The following KCNT2 variants were observed in gnomAD, a reference collection of about 807,000 sequenced individuals.
The protein encoded by KCNT2 is potassium sodium-activated channel subfamily T member 2.
In KCNT2, 67 loss-of-function variants were observed where a neutral mutation model predicts 153.8. That is an observed-to-expected ratio of 0.44 (90% confidence interval 0.36 to 0.53). The LOEUF (loss-of-function observed/expected upper bound fraction) is 0.53, where lower values mean the gene tolerates loss of function less well. Ranked by LOEUF, KCNT2 falls within the 20% of genes least tolerant of loss-of-function variation. The pLI, the probability that KCNT2 is intolerant of heterozygous loss-of-function variation, is 0.00. For synonymous variants in KCNT2, 500 were observed against 458.8 expected (o/e 1.09, Z -1.15); for missense variants, 975 against 1,354.8 (o/e 0.72, Z 4.40).
intron 1 of KCNT2, among the ~76,000 whole-genome samples, chr1:196,576,100 G>A (rs1247835468): frequency 2.6e-5 from 4 of 151,598 alleles, no homozygotes; most frequent in Non-Finnish European, 5.9e-5. Flanking sequence ...ATGTGTGTGT[G>A]TGTGTGTGTA....
chr1:196,371,888 T>C (rs1301079509), intron 14 of KCNT2, among the ~76,000 whole-genome samples: 1 of 152,094 alleles, frequency 6.6e-6, no homozygotes, highest in Non-Finnish European at 1.5e-5. Flanking sequence ...AACAATGAAG[T>C]TGCCTAGATA....
At chr1:196,592,229 G>A (rs903160753) in intron 1 of KCNT2, among the ~76,000 whole-genome samples, 3 of 151,888 alleles carry the variant, frequency 2.0e-5, no homozygotes, top group Non-Finnish European at 4.4e-5. Flanking sequence ...GGATGGAACT[G>A]GAGGTCATTA....
chr1:196,336,284 A>G (rs1665024972), intron 16 of KCNT2, among the ~76,000 whole-genome samples: 1 of 151,866 alleles, frequency 6.6e-6, no homozygotes, highest in Non-Finnish European at 1.5e-5. Context: ...AGCTTTTGTA[A>G]TTATTACTTG....
intron 19 of KCNT2, among the ~76,000 whole-genome samples, chr1:196,321,790 G>C (rs1470452828): frequency 6.6e-6 from 1 of 151,666 alleles, no homozygotes; most frequent in South Asian, 2.1e-4. Flanking sequence ...ATTGAAAAAA[G>C]GTGGCTTAAA....
chr1:196,599,350 C>T (rs376649978), intron 1 of KCNT2, among the ~76,000 whole-genome samples: 5 of 152,312 alleles, frequency 3.3e-5, no homozygotes, highest in South Asian at 2.1e-4. Flanking sequence ...CTAAGTGTGC[C>T]CTTGTAATAA....
chr1:196,258,577 A>G, intron 25 of KCNT2, 83 bp from the exon 26 acceptor site: 1 of 1,026,824 alleles, frequency 9.7e-7, no homozygotes, highest in Non-Finnish European at 1.4e-6. Flanking sequence ...ATTTGCTAAT[A>G]TATTGTTATA....
At chr1:196,393,014 A>C (rs928388756) in intron 13 of KCNT2, among the ~76,000 whole-genome samples, 1 of 151,456 alleles carries the variant, frequency 6.6e-6, no homozygotes, top group African/African-American at 2.4e-5. Context: ...TTCAGTCAAC[A>C]CTTTACTGTT....
intron 4 of KCNT2, among the ~76,000 whole-genome samples, chr1:196,481,494 G>GT (rs1679019236): frequency 1.3e-5 from 2 of 152,176 alleles, no homozygotes; most frequent in Non-Finnish European, 2.9e-5. Flanking sequence ...CTAGTTTAAA[G>GT]ATTGCTCCTA....
At chr1:196,442,213 A>G (rs1675294745) in intron 8 of KCNT2, among the ~76,000 whole-genome samples, 1 of 151,852 alleles carries the variant, frequency 6.6e-6, no homozygotes, top group South Asian at 2.1e-4. Context: ...AAGACAGTAA[A>G]TAAAGGCAAC....
intron 8 of KCNT2, among the ~76,000 whole-genome samples, chr1:196,433,345 G>A (rs753776926): frequency 6.6e-6 from 1 of 151,978 alleles, no homozygotes; most frequent in Non-Finnish European, 1.5e-5. Context: ...TGGATAAACA[G>A]CAAAAACATG....
At chr1:196,232,096 T>G (rs979204074) in intron 27 of KCNT2, among the ~76,000 whole-genome samples, 1 of 151,704 alleles carries the variant, frequency 6.6e-6, no homozygotes, top group Non-Finnish European at 1.5e-5. Context: ...AAACACTGAG[T>G]CTATTTTCTT....
chr1:196,442,607 G>A (rs1268094939), intron 8 of KCNT2, among the ~76,000 whole-genome samples: 2 of 151,670 alleles, frequency 1.3e-5, no homozygotes, highest in African/African-American at 2.4e-5. Context: ...AAATAAAAAT[G>A]ATGTCAAGCT....
At chr1:196,244,404 C>A (rs1044228519) in intron 26 of KCNT2, among the ~76,000 whole-genome samples, 8 of 152,082 alleles carry the variant, frequency 5.3e-5, no homozygotes, top group Non-Finnish European at 1.0e-4. Context: ...TTTACTGTCC[C>A]CAGTACTAGG....
intron 8 of KCNT2, among the ~76,000 whole-genome samples, chr1:196,432,387 T>C (rs1674241720): frequency 6.6e-6 from 1 of 151,978 alleles, no homozygotes; most frequent in Non-Finnish European, 1.5e-5. Context: ...CAGCATGAAA[T>C]GCCAGTGTGG....
chr1:196,233,840 G>A lies in KCNT2; in HGVS notation c.3296+2146C>T, dbSNP rs1047425713. Among the ~76,000 whole-genome samples, 12 of 151,554 alleles carry A rather than the reference G, an allele frequency of 7.9e-5. No homozygotes were observed. In the East Asian group the frequency reaches 2.1e-3, roughly 27 times the overall value. ...AAATATCATGTTTTCATTCAAATGT[G>A]TGAGCTAAAATAATTGATCTCATGG... On this transcript the variant is annotated intron_variant, in intron 27 of 27. Coordinates refer to ENST00000294725, the MANE Select transcript of KCNT2 (RefSeq NM_198503.5).
intron 19 of KCNT2, among the ~76,000 whole-genome samples, chr1:196,322,902 C>T (rs916597667): frequency 3.3e-5 from 5 of 151,648 alleles, no homozygotes; most frequent in South Asian, 4.1e-4. Context: ...TTTCATAATC[C>T]GTCCATCAGT....
chr1:196,385,589 T>A (rs905338221), intron 13 of KCNT2, among the ~76,000 whole-genome samples: 5 of 151,814 alleles, frequency 3.3e-5, no homozygotes, highest in Non-Finnish European at 7.4e-5. Flanking sequence ...TATATACAAA[T>A]GCAAAAATTA....
At chr1:196,522,292 T>C (rs988869588) in intron 1 of KCNT2, among the ~76,000 whole-genome samples, 1 of 152,168 alleles carries the variant, frequency 6.6e-6, no homozygotes, top group Non-Finnish European at 1.5e-5. Flanking sequence ...AAATGAGCTA[T>C]AGGCCAAATA....
intron 5 of KCNT2, among the ~76,000 whole-genome samples, chr1:196,473,790 A>T (rs1372061390): frequency 6.6e-6 from 1 of 152,194 alleles, no homozygotes. Flanking sequence ...AGCATAAATC[A>T]CAAAAACCTA....
Sources: allele counts gnomAD v4.1 joint callset (sites outside exome capture counted in the v4.1 genomes callset), GRCh38; gene constraint gnomAD v4.1.1; transcripts MANE v1.5; gene names NCBI Gene and HGNC (gene_info 2026-07-23, HGNC 2026-07-21).